UFL1: variants seen among roughly 807,000 people sequenced by gnomAD.
UFL1 encodes UFM1 specific ligase 1.
In UFL1, 78 loss-of-function variants were observed where a neutral mutation model predicts 99.3. The ratio of observed to expected loss-of-function variants is 0.79; its 90% CI spans 0.65 to 0.95. UFL1 has a LOEUF of 0.95. Ranked by LOEUF, UFL1 falls within the 40% of genes least tolerant of loss-of-function variation. UFL1 has a pLI of 0.00. For missense variants in UFL1, 936 were observed against 937.0 expected (o/e 1.00, Z 0.01); for synonymous variants, 335 against 322.2 (o/e 1.04, Z -0.42).
rs1270092676 is a variant in UFL1 at position 96,555,064 on chromosome 6, T to TTTAA, written c.*1564_*1567dup. The TTTAA allele has an allele frequency of 6.6e-6, 1 of 152,560 alleles. No individual in the cohort carries two copies. Among genetic ancestry groups the TTTAA allele is most frequent in the East Asian group, 1.9e-4 (1 of 5,198 alleles). 9.5% of individuals were successfully genotyped at this position (152,560 alleles called of 1,614,324 possible). ...AAGCAAGTAAAAAGAAAAGCATTGT[T>TTTAA]TTAATTTGTTTGCATTAATTTTTTT... On this transcript the variant is annotated 3_prime_UTR_variant, in exon 19 of 19. Transcript: ENST00000369278.
intron 9 of UFL1, among the ~76,000 whole-genome samples, chr6:96,537,803 T>C (rs1206352868): frequency 1.3e-5 from 2 of 151,898 alleles, no homozygotes; most frequent in African/African-American, 4.8e-5. Context: ...TTAATCCTGA[T>C]AAAGAATTGA....
rs1269687841 is a variant in UFL1, at chr6:96,523,172, T to G, written c.104T>G (p.Ile35Ser). The G allele has an allele frequency of 1.9e-6, 3 of 1,612,372 alleles. No homozygotes were observed. The Admixed American group carries it at 5.0e-5, about 27-fold the overall frequency. The change falls in exon 2 of 19, where the codon ATT (isoleucine) becomes AGT (serine). Residue 35 changes from isoleucine to serine, a missense_variant. By Grantham distance (142) the Ile-to-Ser change is moderately radical (BLOSUM62 -2). Transcript: ENST00000369278. ...TTGTCCGAGCGGAACTGCATTGAGATTGTTAATAAATTGATTGCTCAGAAA... is the reference window on the plus strand; with the variant it reads ...TTGTCCGAGCGGAACTGCATTGAGAGTGTTAATAAATTGATTGCTCAGAAA... ...QRLSERNCIEIVNKLIAQKQL... is the reference protein window; with the variant it reads ...QRLSERNCIESVNKLIAQKQL...
chr6:96,528,172 C>T (rs761684217), intron 5 of UFL1, among the ~76,000 whole-genome samples: 9 of 152,164 alleles, frequency 5.9e-5, no homozygotes, highest in African/African-American at 9.7e-5. Flanking sequence ...CTGCCTATAT[C>T]TAGAAACCAT....
Position 96,545,866 on chromosome 6 carries a change from A to G in UFL1, c.1403-2298A>G, listed in dbSNP as rs537459207. Among the ~76,000 whole-genome samples the G allele has an allele frequency of 2.5e-4, 38 of 151,360 alleles. No homozygotes were observed. In the East Asian group the frequency reaches 7.4e-3, roughly 29 times the overall value. ...TCAGAAAACTAGGCATCAAAGGAACATACCTCAAAATAATAAGAGCTACTT... is the reference window on the plus strand; with the variant it reads ...TCAGAAAACTAGGCATCAAAGGAACGTACCTCAAAATAATAAGAGCTACTT... On this transcript the variant is annotated intron_variant, in intron 12 of 18. Coordinates refer to ENST00000369278, the MANE Select transcript of UFL1 (RefSeq NM_015323.5).
At chr6:96,524,539 C>G in intron 3 of UFL1, 129 bp downstream of exon 3, 1 of 574,616 alleles carries the variant, frequency 1.7e-6, no homozygotes, top group Non-Finnish European at 2.9e-6. Flanking sequence ...TTATATAAGC[C>G]TCGCTGATAC....
Position 96,530,848 on chromosome 6 carries a change from C to T in UFL1, c.596+2216C>T, listed in dbSNP as rs139096975. Reference sequence around the variant, plus strand: ...GGATACTACATTACTTATCACTATTCGGTTCTCACTGCTCCCAGGCCCTCT... The same window carrying T: ...GGATACTACATTACTTATCACTATTTGGTTCTCACTGCTCCCAGGCCCTCT... On this transcript the variant is annotated intron_variant, in intron 6 of 18. Coordinates refer to ENST00000369278, the MANE Select transcript of UFL1 (RefSeq NM_015323.5). Among the ~76,000 whole-genome samples, 369 of 152,268 alleles carry T rather than the reference C, an allele frequency of 2.4e-3. 2 individuals are homozygous for T. The highest frequency in any genetic ancestry group is 8.3e-3 in the African/African-American group (344 of 41,556).
rs142206251 is a variant in UFL1 at position 96,531,187 on chromosome 6, A to G, written c.596+2555A>G. ...CGGGTCCGTGCAAAATTTGTCTTCC[A>G]TGAAACCAGTTCCTGGTGCTAAAAA... On this transcript the variant is annotated intron_variant, in intron 6 of 18. Coordinates refer to ENST00000369278, the MANE Select transcript of UFL1 (RefSeq NM_015323.5). 7.2e-3 allele frequency among the ~76,000 whole-genome samples: 1,101 copies of G among 152,338 alleles called. 11 individuals carry two copies. The highest frequency in any genetic ancestry group is 0.022 in the African/African-American group (925 of 41,574).
At chr6:96,536,480 T>C (rs1769856346) in intron 8 of UFL1, 90 bp downstream of exon 8, 3 of 907,754 alleles carry the variant, frequency 3.3e-6, no homozygotes, top group African/African-American at 1.7e-5. Context: ...AGTCCTCCTT[T>C]GATCTGTGGG....
rs1256765072 is a variant in UFL1 at position 96,540,665 on chromosome 6, T to G, written c.1279+10T>G. ...AGAAGGAAAGCAACAGGTAATAAAT[T>G]GTTAACAAGGAATATTCAAAGTTTT... On this transcript the variant is annotated intron_variant, in intron 11 of 18. Coordinates refer to ENST00000369278, the MANE Select transcript of UFL1 (RefSeq NM_015323.5). 2 of 1,591,766 alleles carry G rather than the reference T, an allele frequency of 1.3e-6. No individual in the cohort carries two copies. Among genetic ancestry groups the G allele is most frequent in the Non-Finnish European group, 1.7e-6 (2 of 1,171,980 alleles).
At chr6:96,553,202 GTGTATTAGTTGAAGAAATTCTACTTTATC>G (rs1770106710) in intron 18 of UFL1, 54 bp from the exon 19 acceptor site, 1 of 1,290,748 alleles carries the variant, frequency 7.7e-7, no homozygotes, top group African/African-American at 1.5e-5. Flanking sequence ...GACCTTCAAT[GTGTATTAGTTGAAGAAATTCTACTTTATC>G]TGTTCCACAA....
chr6:96,537,717 CCTT>C (rs1335231814), intron 9 of UFL1, among the ~76,000 whole-genome samples, 168 bp downstream of exon 9: 2 of 151,830 alleles, frequency 1.3e-5, no homozygotes, highest in African/African-American at 4.8e-5. Flanking sequence ...TTTCGGGTGA[CCTT>C]CTACATGTGG....
chr6:96,538,147 G>A (rs1347797341), intron 9 of UFL1, among the ~76,000 whole-genome samples: 1 of 151,714 alleles, frequency 6.6e-6, no homozygotes, highest in African/African-American at 2.4e-5. Context: ...ACTACCTTCT[G>A]TGTGCCAGGC....
intron 12 of UFL1, among the ~76,000 whole-genome samples, chr6:96,545,263 G>A (rs10457159): frequency 0.16 from 23,513 of 150,850 alleles, 2,019 homozygotes; most frequent in Middle Eastern, 0.27. Context: ...AATTAAGCTA[G>A]AAATAATCAC....
At chr6:96,527,135 T>G (rs186808685) in intron 5 of UFL1, among the ~76,000 whole-genome samples, 33 of 152,162 alleles carry the variant, frequency 2.2e-4, no homozygotes, top group African/African-American at 7.7e-4. Flanking sequence ...TTTTTCTGTT[T>G]TTTTTTGTTT....
At position 96,552,585 on chromosome 6, in the gene UFL1, T is replaced by G; in HGVS notation, c.2089T>G (p.Ser697Ala). 6.2e-7 allele frequency: 1 copy of G among 1,613,510 alleles called. No individual in the cohort carries two copies. The stretch of plus-strand genomic sequence containing the variant: ...CACATCAGTCCTGTTGTTTCAGTTT[T>G]CAACCCACAGCATGCTCCATGCACC... ...HLTSVLLFQF[S>A]THSMLHAPGR... The change falls in exon 18 of 19, where the codon TCA (serine) becomes GCA (alanine). Residue 697 changes from serine (S) to alanine (A), a missense_variant. Ser to Ala is a moderately conservative substitution (Grantham distance 99). Coordinates refer to ENST00000369278, the MANE Select transcript of UFL1 (RefSeq NM_015323.5).
intron 8 of UFL1, 47 bp from the exon 9 acceptor site, chr6:96,537,327 T>A: frequency 6.8e-7 from 1 of 1,476,432 alleles, no homozygotes. Context: ...CACTTTTGTC[T>A]TACATGTAAT....
chr6:96,548,272 A>G lies in UFL1; in HGVS notation c.1511A>G (p.Tyr504Cys). 6.4e-7 allele frequency: 1 copy of G among 1,565,136 alleles called. No individual in the cohort carries two copies. Among genetic ancestry groups the G allele is most frequent in the Non-Finnish European group, 8.7e-7 (1 of 1,152,110 alleles). The change falls in exon 13 of 19, where the codon TAC becomes TGC. Residue 504 changes from tyrosine (Y) to cysteine (C), a missense_variant. Physicochemically the swap from Tyr to Cys is radical, Grantham distance 194. Coordinates refer to ENST00000369278, the MANE Select transcript of UFL1 (RefSeq NM_015323.5). The stretch of plus-strand genomic sequence containing the variant: ...GAGTTTATTTCGGAACTTGCTGAGT[A>G]CTTAATAAAGCAAGTATAAAATGTA... Reference protein sequence around the residue: ...PEEFISELAEYLIKPLNKTYL... With the variant: ...PEEFISELAECLIKPLNKTYL...
At chr6:96,536,205 T>C in intron 7 of UFL1, 39 bp from the exon 8 acceptor site, 5 of 1,565,040 alleles carry the variant, frequency 3.2e-6, no homozygotes, top group Non-Finnish European at 4.4e-6. Flanking sequence ...GATTTATACC[T>C]GGTCTGATTT....
At chr6:96,535,822 C>A (rs1769844845) in intron 7 of UFL1, among the ~76,000 whole-genome samples, 1 of 151,894 alleles carries the variant, frequency 6.6e-6, no homozygotes, top group African/African-American at 2.4e-5. Context: ...GTCTAGGTGT[C>A]TTGATTTTTT....
Sources: gnomAD v4.1 joint callset for allele counts (sites outside exome capture counted in the v4.1 genomes callset) on GRCh38, gnomAD v4.1.1 for gene constraint, MANE v1.5 for transcripts, NCBI Gene and HGNC (gene_info 2026-07-23, HGNC 2026-07-21) for gene names.